BIRC6: variants seen among roughly 807,000 people sequenced by gnomAD.
The protein encoded by BIRC6 is baculoviral IAP repeat containing 6.
BIRC6 carries 98 observed loss-of-function variants against 503.3 expected under a neutral mutation model. That is an observed-to-expected ratio of 0.19 (90% confidence interval 0.17 to 0.23). The LOEUF is 0.23. Among genes scored for constraint, BIRC6 ranks in the 10% least tolerant of loss-of-function variants. The probability of loss-of-function intolerance (pLI) is 1.00; values close to 1 mark genes in which losing one functional copy is unlikely to be tolerated. For synonymous variants in BIRC6, 2,240 were observed against 2,078.7 expected (o/e 1.08, Z -2.11); for missense variants, 5,360 against 5,806.0 (o/e 0.92, Z 2.50).
intron 45 of BIRC6, among the ~76,000 whole-genome samples, chr2:32,497,455 T>A (rs1407443934): frequency 6.6e-6 from 1 of 152,240 alleles, no homozygotes; most frequent in East Asian, 1.9e-4. Flanking sequence ...TGTCACTTAC[T>A]TAAGTATTTG....
chr2:32,515,048 G>A lies in BIRC6; in HGVS notation c.10627G>A (p.Asp3543Asn). The A allele has an allele frequency of 2.5e-6, 4 of 1,613,866 alleles. No individual in the cohort carries two copies. Among genetic ancestry groups the A allele is most frequent in the Non-Finnish European group, 3.4e-6 (4 of 1,179,864 alleles). Residue 3543 changes from aspartate (D) to asparagine (N), a missense_variant, in exon 55 of 74, where the codon GAC becomes AAC. By Grantham distance (23) the Asp-to-Asn change is conservative. Transcript: ENST00000421745. ...CAATATGGTTTTGAAGAAAGCTGTT[G>A]ACAGTCTACTTTGCTCAATGTGTCA... ...PCNMVLKKAV[D>N]SLLCSMCHVH...
rs533875476 is a variant in BIRC6 at position 32,504,254 on chromosome 2, C to T, written c.9500-751C>T. On this transcript the variant is annotated intron_variant, in intron 49 of 73. Transcript: ENST00000421745. ...TGAATTTAGGTATTTACTTTTTTAT[C>T]TAGTTTACATAGTTTCTTTTAAATT... 4.7e-4 allele frequency among the ~76,000 whole-genome samples: 71 copies of T among 152,014 alleles called. 1 individual carries two copies. Among genetic ancestry groups the T allele is most frequent in the African/African-American group, 1.5e-3 (62 of 41,456 alleles).
At chr2:32,536,848 G>T (rs2057281254) in intron 61 of BIRC6, among the ~76,000 whole-genome samples, 1 of 152,034 alleles carries the variant, frequency 6.6e-6, no homozygotes, top group Non-Finnish European at 1.5e-5. Flanking sequence ...AAATTACCTT[G>T]GGTAGTATAG....
At chr2:32,436,271 A>G (rs2148137472) in intron 15 of BIRC6, 87 bp downstream of exon 15, 1 of 1,179,558 alleles carries the variant, frequency 8.5e-7, no homozygotes, top group East Asian at 3.0e-5. Flanking sequence ...AAAAAATAAG[A>G]TTGTTTTCTT....
intron 1 of BIRC6, among the ~76,000 whole-genome samples, chr2:32,369,946 ATATATATATATATATATATATATATAT>A (rs1337183888): frequency 3.5e-5 from 1 of 28,420 alleles, no homozygotes; most frequent in Non-Finnish European, 5.8e-5. Context: ...AAAAAAAAAA[ATATATATATATATATATATATATATAT>A]ATATATATAT....
intron 50 of BIRC6, 56 bp downstream of exon 50, chr2:32,505,261 T>C: frequency 7.1e-7 from 1 of 1,416,342 alleles, no homozygotes; most frequent in Non-Finnish European, 9.7e-7. Flanking sequence ...TTAGAAATAT[T>C]TGAAAATAAA....
At chr2:32,390,852 T>C (rs910141461) in intron 4 of BIRC6, among the ~76,000 whole-genome samples, 2 of 152,210 alleles carry the variant, frequency 1.3e-5, no homozygotes, top group African/African-American at 4.8e-5. Context: ...GTTAGTTAAG[T>C]GATTTTGTTG....
intron 3 of BIRC6, 142 bp from the exon 4 acceptor site, chr2:32,388,608 A>T (rs928517670): frequency 3.3e-6 from 2 of 614,176 alleles, no homozygotes; most frequent in African/African-American, 3.8e-5. Flanking sequence ...TATAACTGCA[A>T]GTTTCTGTTT....
intron 6 of BIRC6, among the ~76,000 whole-genome samples, chr2:32,396,514 G>C (rs1361217948): frequency 6.6e-6 from 1 of 152,164 alleles, no homozygotes; most frequent in African/African-American, 2.4e-5. Flanking sequence ...AAAAATTCAA[G>C]TTGTATCTAT....
intron 6 of BIRC6, among the ~76,000 whole-genome samples, chr2:32,399,513 C>G (rs2040368109): frequency 6.6e-6 from 1 of 152,230 alleles, no homozygotes; most frequent in South Asian, 2.1e-4. Context: ...CTGCCTCAGC[C>G]TCCTGACTAA....
intron 4 of BIRC6, among the ~76,000 whole-genome samples, chr2:32,391,201 T>G (rs2039187919): frequency 6.6e-6 from 1 of 152,134 alleles, no homozygotes; most frequent in South Asian, 2.1e-4. Context: ...AATGCAGCCA[T>G]TAGATGGGAT....
At chr2:32,385,898 T>C (rs1051111570) in intron 3 of BIRC6, among the ~76,000 whole-genome samples, 3 of 152,148 alleles carry the variant, frequency 2.0e-5, no homozygotes, top group African/African-American at 7.2e-5. Context: ...TTGGAGCAAC[T>C]TGTCTTTCAG....
At chr2:32,469,975 G>C (rs140246993) in intron 30 of BIRC6, among the ~76,000 whole-genome samples, 193 bp from the exon 31 acceptor site, 2 of 152,088 alleles carry the variant, frequency 1.3e-5, no homozygotes, top group African/African-American at 2.4e-5. Context: ...AATGTAACCA[G>C]TAGTTAGAAA....
chr2:32,458,629 GTCTGTT>G (rs1036440623), intron 23 of BIRC6, among the ~76,000 whole-genome samples: 101 of 147,988 alleles, frequency 6.8e-4, no homozygotes, highest in East Asian at 5.9e-4. Flanking sequence ...ATATATATGG[GTCTGTT>G]TCTGTTTCAT....
intron 71 of BIRC6, among the ~76,000 whole-genome samples, chr2:32,603,700 G>A (rs1157132283): frequency 6.6e-6 from 1 of 151,950 alleles, no homozygotes; most frequent in African/African-American, 2.4e-5. Flanking sequence ...CTCTAGCCTG[G>A]GTGACAGAGG....
chr2:32,398,212 C>T (rs906692671), intron 6 of BIRC6, among the ~76,000 whole-genome samples: 9 of 152,000 alleles, frequency 5.9e-5, no homozygotes, highest in African/African-American at 1.9e-4. Flanking sequence ...ATTTACGTAC[C>T]CTAGGGAGTT....
intron 61 of BIRC6, among the ~76,000 whole-genome samples, chr2:32,533,842 G>T (rs771133050): frequency 9.9e-5 from 15 of 152,122 alleles, no homozygotes; most frequent in Admixed American, 9.2e-4. Context: ...ACCTGTTTTG[G>T]ATTTCTGACC....
At chr2:32,394,748 T>C (rs2039666508) in intron 5 of BIRC6, among the ~76,000 whole-genome samples, 1 of 152,174 alleles carries the variant, frequency 6.6e-6, no homozygotes, top group South Asian at 2.1e-4. Context: ...GAGGATCACT[T>C]GTGCCCACGA....
intron 36 of BIRC6, among the ~76,000 whole-genome samples, chr2:32,479,111 C>G (rs143909886): frequency 6.6e-6 from 1 of 152,290 alleles, no homozygotes; most frequent in Non-Finnish European, 1.5e-5. Context: ...ATGCTGCTTA[C>G]TGGGTGGGGA....
Sources: gnomAD v4.1 joint callset for allele counts (sites outside exome capture counted in the v4.1 genomes callset) on GRCh38, gnomAD v4.1.1 for gene constraint, MANE v1.5 for transcripts, NCBI Gene and HGNC (gene_info 2026-07-23, HGNC 2026-07-21) for gene names.